Variants in MTIF2 observed in about 807,000 individuals in gnomAD.
MTIF2 encodes translation initiation factor IF-2, mitochondrial.
Under a neutral mutation model 83.5 loss-of-function variants are expected in MTIF2, and 71 were observed. The ratio of observed to expected loss-of-function variants is 0.85; its 90% CI spans 0.70 to 1.04. The LOEUF (loss-of-function observed/expected upper bound fraction) is 1.04. MTIF2 is among the 50% of genes least tolerant of loss of function. MTIF2 has a pLI of 0.00. For synonymous variants in MTIF2, 319 were observed against 287.1 expected (o/e 1.11, Z -1.12); for missense variants, 957 against 846.5 (o/e 1.13, Z -1.62).
At chr2:55,255,724 A>G (rs905183108) in intron 5 of MTIF2, among the ~76,000 whole-genome samples, 3 of 152,110 alleles carry the variant, frequency 2.0e-5, no homozygotes, top group African/African-American at 7.2e-5. Context: ...GACACTAAAT[A>G]GAATACAAAA....
chr2:55,246,778 A>C (rs1210873448), intron 9 of MTIF2, among the ~76,000 whole-genome samples: 1 of 152,148 alleles, frequency 6.6e-6, no homozygotes, highest in Non-Finnish European at 1.5e-5. Context: ...TTTCATAAAC[A>C]CATGCAATGC....
rs779561377 is a variant in MTIF2, at chr2:55,240,032, C to G, written c.1849G>C (p.Ala617Pro). ...QEELSSRLPC[A>P]VEEHPVGEAS... ...TCACCTACTGGGTGCTCTTCCACAG[C>G]ACAGGGTAATCTGCTGCTCAGTTCC... is the stretch of plus-strand genomic sequence containing the variant. The change falls in exon 14 of 16, where the codon GCT (alanine) becomes CCT (proline). Residue 617 changes from alanine (A) to proline (P), a missense_variant. Physicochemically the swap from Ala to Pro is conservative, Grantham distance 27 (BLOSUM62 -1). This residue lies in a region of MTIF2 where 221 missense variants were observed against 180.6 expected (regional missense o/e 1.22). Coordinates refer to ENST00000263629, the MANE Select transcript of MTIF2 (RefSeq NM_002453.3). The G allele has an allele frequency of 1.2e-6, 2 of 1,612,742 alleles. No homozygotes were observed. The highest frequency in any genetic ancestry group is 2.7e-5 in the African/African-American group (2 of 75,018).
chr2:55,243,861 CA>C (rs1676504032), intron 11 of MTIF2, among the ~76,000 whole-genome samples, 167 bp downstream of exon 11: 1 of 152,118 alleles, frequency 6.6e-6, no homozygotes, highest in African/African-American at 2.4e-5. Context: ...ATCTTATCCC[CA>C]CCCCCAAAAT....
rs190288206 is a variant in MTIF2, at chr2:55,262,268, G to A, written c.331+48C>T. ...TAATCTCGTTGCAAATAAAATGCCC[G>A]GTCTTCCAACATTCCCATATTTTGC... On this transcript the variant is annotated intron_variant, in intron 5 of 15. Coordinates refer to ENST00000263629, the MANE Select transcript of MTIF2 (RefSeq NM_002453.3). The A allele has an allele frequency of 9.1e-4, 1,173 of 1,282,068 alleles. 5 individuals carry two copies. The highest frequency in any genetic ancestry group is 9.1e-3 in the Admixed American group (519 of 57,138). The allele number at this position is 1,282,068 out of a possible 1,614,324, so 79.4% of individuals were successfully genotyped here.
chr2:55,258,226 T>C (rs1677693590), intron 5 of MTIF2, among the ~76,000 whole-genome samples: 1 of 152,214 alleles, frequency 6.6e-6, no homozygotes, highest in Admixed American at 6.5e-5. Context: ...AGCAAGCCAC[T>C]GATTGTACTC....
chr2:55,254,926 G>T (rs932116787), intron 5 of MTIF2, 101 bp from the exon 6 acceptor site: 1 of 573,578 alleles, frequency 1.7e-6, no homozygotes, highest in Non-Finnish European at 2.6e-6. Flanking sequence ...TCAATGAGAG[G>T]AATAACTATG....
chr2:55,243,236 A>C (rs748836356), intron 12 of MTIF2, among the ~76,000 whole-genome samples, 156 bp from the exon 13 acceptor site: 1 of 152,218 alleles, frequency 6.6e-6, no homozygotes, highest in Non-Finnish European at 1.5e-5. Flanking sequence ...TACTTGACTT[A>C]ATAGCATATA....
rs766823430 is a variant in MTIF2 at position 55,263,593 on chromosome 2, G to T, written c.219+47C>A. 5 of 1,448,472 alleles carry T rather than the reference G, an allele frequency of 3.5e-6. No individual in the cohort carries two copies. In the Admixed American group the frequency reaches 1.0e-4, roughly 29 times the overall value. The allele number at this position is 1,448,472 out of a possible 1,614,324, so 89.7% of individuals were successfully genotyped here. On this transcript the variant is annotated intron_variant, in intron 4 of 15. Coordinates refer to ENST00000263629, the MANE Select transcript of MTIF2 (RefSeq NM_002453.3). The stretch of plus-strand genomic sequence containing the variant: ...CCACGGCACTCCAGCCGGGGTGACA[G>T]GGTGAGACTCCATCTCAAAAAAAAA...
In MTIF2 at chr2:55,254,121, G is replaced by T. The variant is rs1319039010; in HGVS notation, c.584C>A (p.Thr195Lys). Reference sequence around the variant, plus strand: ...AGTTTTTCGAAATTTGTCAAGTAATGTCGTTTTCCCGTGATCAACATGGCC... The same window carrying T: ...AGTTTTTCGAAATTTGTCAAGTAATTTCGTTTTCCCGTGATCAACATGGCC... ...IMGHVDHGKT[T>K]LLDKFRKTQV... Residue 195 changes from threonine (T) to lysine (K), a missense_variant, in exon 7 of 16, where the codon ACA becomes AAA. Coordinates refer to ENST00000263629, the MANE Select transcript of MTIF2 (RefSeq NM_002453.3). The T allele has an allele frequency of 6.2e-7, 1 of 1,614,158 alleles. No individual in the cohort carries two copies. The highest frequency in any genetic ancestry group is 1.1e-5 in the South Asian group (1 of 91,086).
chr2:55,241,964 T>C (rs1676348781), intron 13 of MTIF2, among the ~76,000 whole-genome samples: 1 of 151,762 alleles, frequency 6.6e-6, no homozygotes. Context: ...CTGGCCAACA[T>C]GGTGAAACCC....
In MTIF2 at chr2:55,254,128, T is replaced by C. The variant is rs1677327624; in HGVS notation, c.577A>G (p.Lys193Glu). The change falls in exon 7 of 16, where the codon AAA becomes GAA. Residue 193 changes from lysine (K) to glutamate (E), a missense_variant. Around this residue, in one of 3 missense-constraint regions of MTIF2, gnomAD observed 733 missense variants for 648.7 expected, o/e 1.13. Transcript: ENST00000263629. ...CGAAATTTGTCAAGTAATGTCGTTT[T>C]CCCGTGATCAACATGGCCCATTATA... ...VTIMGHVDHG[K>E]TTLLDKFRKT... The C allele has an allele frequency of 2.5e-6, 4 of 1,614,204 alleles. No homozygotes were observed. The highest frequency in any genetic ancestry group is 2.2e-5 in the East Asian group (1 of 44,890).
intron 13 of MTIF2, among the ~76,000 whole-genome samples, chr2:55,242,628 T>G (rs1455314384): frequency 1.3e-5 from 2 of 152,066 alleles, no homozygotes. Flanking sequence ...GAAATCAACC[T>G]TGGGATAGTA....
chr2:55,244,006 T>C, intron 11 of MTIF2, 23 bp downstream of exon 11: 1 of 1,562,760 alleles, frequency 6.4e-7, no homozygotes. Flanking sequence ...ATATCTAATA[T>C]ATAGGAATTA....
chr2:55,240,293 A>G (rs1294932504), intron 13 of MTIF2, 118 bp from the exon 14 acceptor site: 4 of 986,736 alleles, frequency 4.1e-6, no homozygotes, highest in East Asian at 2.7e-5. Flanking sequence ...AAAATAGCAA[A>G]TAAGAGGCCA....
In MTIF2 at chr2:55,262,365, C is replaced by G; in HGVS notation, c.282G>C (p.Trp94Cys). The G allele has an allele frequency of 1.2e-6, 2 of 1,613,734 alleles. No homozygotes were observed. The highest frequency in any genetic ancestry group is 1.3e-5 in the African/African-American group (1 of 74,972). ...CCAGTTCCTCAATAGTCATTCCAAT[C>G]CATACTTCTACCACCTTTTTAGATT... is the stretch of plus-strand genomic sequence containing the variant. ...STKSKKVVEV[W>C]IGMTIEELAR... Residue 94 changes from tryptophan to cysteine, a missense_variant, in exon 5 of 16, where the codon TGG becomes TGC. Transcript: ENST00000263629.
rs180769339 is a variant in MTIF2 at position 55,243,853 on chromosome 2, C to T, written c.1311+176G>A. ...TGTATAATTGAAATGATTTAAAAAT[C>T]TTATCCCCACCCCCAAAATTCTATA... On this transcript the variant is annotated intron_variant, in intron 11 of 15. Coordinates refer to ENST00000263629, the MANE Select transcript of MTIF2 (RefSeq NM_002453.3). Among the ~76,000 whole-genome samples the T allele has an allele frequency of 1.1e-4, 17 of 152,216 alleles. No homozygotes were observed. In the East Asian group the frequency reaches 2.9e-3, roughly 26 times the overall value.
intron 8 of MTIF2, among the ~76,000 whole-genome samples, chr2:55,251,307 A>C (rs1453334782): frequency 6.6e-6 from 1 of 152,138 alleles, no homozygotes; most frequent in Non-Finnish European, 1.5e-5. Context: ...ATCATTAAGA[A>C]CATAGTACAT....
chr2:55,252,158 G>A lies in MTIF2; in HGVS notation c.841+319C>T, dbSNP rs115800360. On this transcript the variant is annotated intron_variant, in intron 8 of 15. Coordinates refer to ENST00000263629, the MANE Select transcript of MTIF2 (RefSeq NM_002453.3). Reference sequence around the variant, plus strand: ...GCAACTCCTAATGAATTTATGTGATGGATAGATCGAATTTCATTATTCTTT... The same window carrying A: ...GCAACTCCTAATGAATTTATGTGATAGATAGATCGAATTTCATTATTCTTT... 7.3e-3 allele frequency among the ~76,000 whole-genome samples: 1,111 copies of A among 152,126 alleles called. 11 individuals are homozygous for A. The highest frequency in any genetic ancestry group is 0.026 in the African/African-American group (1,063 of 41,492).
chr2:55,248,029 G>A (rs559385867), intron 9 of MTIF2, among the ~76,000 whole-genome samples: 5 of 151,952 alleles, frequency 3.3e-5, no homozygotes, highest in Non-Finnish European at 7.4e-5. Context: ...TAGCTAGGAC[G>A]ACAGGCACAT....
Sources: allele counts gnomAD v4.1 joint callset (sites outside exome capture counted in the v4.1 genomes callset), GRCh38; gene constraint gnomAD v4.1.1; regional missense constraint gnomAD v4.1.1; transcripts MANE v1.5; gene names NCBI Gene and HGNC (gene_info 2026-07-23, HGNC 2026-07-21).